The following AGBL4 variants were observed in gnomAD, a reference collection of about 807,000 sequenced individuals.
AGBL4 encodes AGBL carboxypeptidase 4.
Under a neutral mutation model 66.4 loss-of-function variants are expected in AGBL4, and 58 were observed. The observed-to-expected ratio is 0.87, with a 90% CI of 0.71 to 1.09. The LOEUF is 1.09. Ranked by LOEUF, AGBL4 falls within the 50% of genes least tolerant of loss-of-function variation. AGBL4 has a pLI of 0.00. For missense variants in AGBL4, 579 were observed against 631.0 expected, an observed-to-expected ratio of 0.92 and a Z score of 0.88; for synonymous variants, 234 against 222.9, an observed-to-expected ratio of 1.05 and a Z score of -0.44.
intron 11 of AGBL4, among the ~76,000 whole-genome samples, chr1:48,578,036 T>G (rs1429936566): frequency 5.3e-5 from 8 of 152,198 alleles, no homozygotes; most frequent in Admixed American, 1.3e-4. Context: ...TTGATTTTTT[T>G]GGGCTTCAAT....
At chr1:49,564,956 G>T (rs1014761635) in intron 3 of AGBL4, among the ~76,000 whole-genome samples, 2 of 149,632 alleles carry the variant, frequency 1.3e-5, no homozygotes, top group Non-Finnish European at 3.0e-5. Flanking sequence ...CTCTTTGTAG[G>T]TCTCTAAGGA....
rs1644241099 is a variant in AGBL4 at position 48,761,237 on chromosome 1, G to C, written c.635-97996C>G. ...AAAATCATAGCCTGTGATACCAGGG[G>C]ACATTTACATGGGGAGAGGAAGCCA... On this transcript the variant is annotated intron_variant, in intron 6 of 13. Coordinates refer to ENST00000371839, the MANE Select transcript of AGBL4 (RefSeq NM_032785.4). 3 of 1,233,448 alleles carry C rather than the reference G, an allele frequency of 2.4e-6. No individual in the cohort carries two copies. The African/African-American group carries it at 4.6e-5, about 19-fold the overall frequency. The allele number at this position is 1,233,448 out of a possible 1,614,324, so 76.4% of individuals were successfully genotyped here.
intron 3 of AGBL4, among the ~76,000 whole-genome samples, chr1:49,311,963 A>G (rs1174120729): frequency 1.3e-5 from 2 of 152,100 alleles, no homozygotes; most frequent in African/African-American, 4.8e-5. Flanking sequence ...AACCAATAGA[A>G]ATGTATTGAA....
chr1:48,650,451 T>A (rs1267325102), intron 8 of AGBL4, among the ~76,000 whole-genome samples: 27 of 136,728 alleles, frequency 2.0e-4, no homozygotes, highest in Non-Finnish European at 4.5e-5. Context: ...CCAACCTTCC[T>A]TCCTTCCTTC....
chr1:48,673,364 T>C (rs431939), intron 6 of AGBL4, among the ~76,000 whole-genome samples: 77,862 of 151,704 alleles, frequency 0.51, 20,945 homozygotes, highest in Middle Eastern at 0.65. Flanking sequence ...GGGAGTAATG[T>C]GATCCTGACC....
chr1:49,765,718 G>A (rs1399468806), intron 2 of AGBL4, among the ~76,000 whole-genome samples: 5 of 152,010 alleles, frequency 3.3e-5, no homozygotes, highest in African/African-American at 1.2e-4. Context: ...TCCAGAAAAT[G>A]AAGGAAGAGA....
At chr1:49,977,917 A>G (rs9659092) in intron 1 of AGBL4, among the ~76,000 whole-genome samples, 60,468 of 152,046 alleles carry the variant, frequency 0.4, 15,314 homozygotes, top group Non-Finnish European at 0.56. Flanking sequence ...CTATCATCTA[A>G]GAGTAAATCT....
rs1028655621 is a variant in AGBL4, at chr1:49,528,055, T to C, written c.282+169258A>G. On this transcript the variant is annotated intron_variant, in intron 3 of 13. Transcript: ENST00000371839. Reference sequence around the variant, plus strand: ...AGACAGCAAGTCTCTGGGTACGTAGTCCCCTACAAAGTGACTGATTTTAGA... The same window carrying C: ...AGACAGCAAGTCTCTGGGTACGTAGCCCCCTACAAAGTGACTGATTTTAGA... Among the ~76,000 whole-genome samples the C allele has an allele frequency of 1.6e-4, 24 of 152,092 alleles. 1 individual carries two copies. Among genetic ancestry groups the C allele is most frequent in the Admixed American group, 7.2e-4 (11 of 15,276 alleles).
chr1:49,519,796 A>T (rs1451141644), intron 3 of AGBL4, among the ~76,000 whole-genome samples: 1 of 152,126 alleles, frequency 6.6e-6, no homozygotes, highest in Non-Finnish European at 1.5e-5. Flanking sequence ...AAACTAGGTG[A>T]GTCTATGAAG....
rs1647501765 is a variant in AGBL4, at chr1:49,709,817, A to G, written c.158-12380T>C. ...AGATACTTCTCAAAAGAAGACATTT[A>G]TGCAGCAAACAAACATATGAAAAAA... is the stretch of plus-strand genomic sequence containing the variant. On this transcript the variant is annotated intron_variant, in intron 2 of 13. Transcript: ENST00000371839. 1.3e-5 allele frequency among the ~76,000 whole-genome samples: 2 copies of G among 152,246 alleles called. 1 individual carries two copies. Among genetic ancestry groups the G allele is most frequent in the South Asian group, 4.1e-4 (2 of 4,832 alleles).
intron 2 of AGBL4, among the ~76,000 whole-genome samples, chr1:49,735,302 T>G (rs960676686): frequency 7.1e-6 from 1 of 139,946 alleles, no homozygotes; most frequent in East Asian, 2.1e-4. Context: ...TGTGGGTGTG[T>G]GTGTGTGTGT....
At chr1:48,586,123 G>T (rs944807124) in intron 11 of AGBL4, 1 of 152,198 alleles carries the variant, frequency 6.6e-6, no homozygotes, top group Non-Finnish European at 1.5e-5. Flanking sequence ...ATCTGTTACA[G>T]CTCTGATGCA....
intron 6 of AGBL4, among the ~76,000 whole-genome samples, chr1:48,716,491 GCCCCTGC>G: frequency 6.6e-6 from 1 of 152,278 alleles, no homozygotes; most frequent in South Asian, 2.1e-4. Flanking sequence ...CATTGCATTT[GCCCCTGC>G]CCCCATCCAT....
chr1:49,131,530 G>A (rs1645895772), intron 4 of AGBL4, among the ~76,000 whole-genome samples: 1 of 152,068 alleles, frequency 6.6e-6, no homozygotes. Context: ...CAACATAGAA[G>A]CAGCTAACCC....
chr1:48,533,922 A>C lies in AGBL4; in HGVS notation c.*251T>G, dbSNP rs1043259868. 5 of 515,734 alleles carry C rather than the reference A, an allele frequency of 9.7e-6. No homozygotes were observed. The highest frequency in any genetic ancestry group is 9.6e-5 in the African/African-American group (5 of 51,916). 31.9% of individuals were successfully genotyped at this position (515,734 alleles called of 1,614,324 possible). A position where few individuals can be genotyped will look rare whatever the true frequency, so the allele number is the denominator to read the frequency against. The stretch of plus-strand genomic sequence containing the variant: ...CTTGGAAGATCTCTATGTTGTAGAA[A>C]ATAGCATCTGTGCTCACCTGGTTCC... On this transcript the variant is annotated 3_prime_UTR_variant, in exon 14 of 14. Coordinates refer to ENST00000371839, the MANE Select transcript of AGBL4 (RefSeq NM_032785.4).
chr1:48,997,526 G>A (rs942061868), intron 5 of AGBL4, among the ~76,000 whole-genome samples: 8 of 152,132 alleles, frequency 5.3e-5, no homozygotes, highest in African/African-American at 2.4e-5. Flanking sequence ...CTCTGGAAAC[G>A]TTTGCTGAGT....
intron 2 of AGBL4, among the ~76,000 whole-genome samples, chr1:49,835,247 G>A (rs982442795): frequency 6.6e-6 from 1 of 152,144 alleles, no homozygotes; most frequent in Non-Finnish European, 1.5e-5. Flanking sequence ...TCATGAATCT[G>A]GGTGCTCCTA....
intron 5 of AGBL4, among the ~76,000 whole-genome samples, chr1:49,012,388 G>C (rs1662506082): frequency 6.6e-6 from 1 of 152,170 alleles, no homozygotes; most frequent in African/African-American, 2.4e-5. Flanking sequence ...ATGAGCAGGT[G>C]GTTGGGGAGT....
chr1:49,899,718 T>G (rs190944582), intron 1 of AGBL4, among the ~76,000 whole-genome samples: 1 of 152,286 alleles, frequency 6.6e-6, no homozygotes, highest in Admixed American at 6.5e-5. Flanking sequence ...GTTTATTTAA[T>G]TGGTGTCGTA....
Sources: allele counts gnomAD v4.1 joint callset (sites outside exome capture counted in the v4.1 genomes callset), GRCh38; gene constraint gnomAD v4.1.1; transcripts MANE v1.5; gene names NCBI Gene and HGNC (gene_info 2026-07-23, HGNC 2026-07-21).